The following TMEFF2 variants were observed in gnomAD, a reference collection of about 807,000 sequenced individuals.
The protein encoded by TMEFF2 is tomoregulin-2.
Under a neutral mutation model 53.8 loss-of-function variants are expected in TMEFF2, and 28 were observed. That is an observed-to-expected ratio of 0.52 (90% CI 0.39 to 0.71). The LOEUF is 0.71. TMEFF2 is among the 30% of genes least tolerant of loss of function. The pLI, the probability that TMEFF2 is intolerant of heterozygous loss-of-function variation, is 0.00. For synonymous variants in TMEFF2, 162 were observed against 166.3 expected (o/e 0.97, Z 0.20); for missense variants, 353 against 455.2 (o/e 0.78, Z 2.04).
At chr2:192,020,148 C>T (rs534747287) in intron 5 of TMEFF2, among the ~76,000 whole-genome samples, 1 of 152,188 alleles carries the variant, frequency 6.6e-6, no homozygotes, top group East Asian at 1.9e-4. Flanking sequence ...ACCCTCTTTT[C>T]CCTAGTATTG....
rs374355182 is a variant in TMEFF2 at position 192,058,073 on chromosome 2, A to G, written c.440-298T>C. ...ATTTGCCTAATAGACCATATGAAAG[A>G]GTTATTTAGTTAAAAGGGAGTTAAA... On this transcript the variant is annotated intron_variant, in intron 4 of 9. Coordinates refer to ENST00000272771, the MANE Select transcript of TMEFF2 (RefSeq NM_016192.4). Among the ~76,000 whole-genome samples the G allele has an allele frequency of 4.0e-4, 61 of 152,346 alleles. No homozygotes were observed. The East Asian group carries it at 9.8e-3, about 25-fold the overall frequency.
At chr2:191,959,619 T>A (rs1034304264) in intron 7 of TMEFF2, among the ~76,000 whole-genome samples, 1 of 11,536 alleles carries the variant, frequency 8.7e-5, no homozygotes, top group Non-Finnish European at 2.2e-4. Flanking sequence ...CAGTCCAGTA[T>A]GTACATGTGT....
intron 4 of TMEFF2, among the ~76,000 whole-genome samples, chr2:192,069,988 G>GTATATA (rs55800219): frequency 4.2e-5 from 5 of 118,862 alleles, no homozygotes; most frequent in African/African-American, 1.3e-4. Context: ...GTGTGTGTGT[G>GTATATA]TATATATATA....
chr2:192,066,700 A>C (rs1688176333), intron 4 of TMEFF2, among the ~76,000 whole-genome samples: 1 of 151,822 alleles, frequency 6.6e-6, no homozygotes, highest in African/African-American at 2.4e-5. Flanking sequence ...AGTTCATTTT[A>C]AAAAGGAGAA....
At chr2:192,111,930 G>A (rs557166710) in intron 4 of TMEFF2, among the ~76,000 whole-genome samples, 2 of 152,354 alleles carry the variant, frequency 1.3e-5, no homozygotes, top group Admixed American at 1.3e-4. Context: ...GAGCCTGTGG[G>A]TGCACAGAAG....
chr2:192,129,035 A>G (rs943614843), intron 4 of TMEFF2, among the ~76,000 whole-genome samples: 1 of 152,174 alleles, frequency 6.6e-6, no homozygotes, highest in South Asian at 2.1e-4. Context: ...GGTGCCCCAT[A>G]GGAGAGTGTT....
chr2:192,058,621 C>A (rs1687971093), intron 4 of TMEFF2, among the ~76,000 whole-genome samples: 1 of 152,056 alleles, frequency 6.6e-6, no homozygotes, highest in South Asian at 2.1e-4. Flanking sequence ...ATGAGCAACA[C>A]TTTCAAGGTG....
At chr2:192,122,288 T>C (rs17354327) in intron 4 of TMEFF2, among the ~76,000 whole-genome samples, 50,064 of 151,974 alleles carry the variant, frequency 0.33, 10,166 homozygotes, top group Non-Finnish European at 0.47. Context: ...TAAAAAAAGG[T>C]ACTTAGTAAC....
Position 191,980,435 on chromosome 2 carries a change from A to C in TMEFF2, c.745+17827T>G, listed in dbSNP as rs1685828118. Among the ~76,000 whole-genome samples the C allele has an allele frequency of 2.0e-5, 3 of 152,200 alleles. 1 individual carries two copies. Among genetic ancestry groups the C allele is most frequent in the Non-Finnish European group, 4.4e-5 (3 of 68,032 alleles). On this transcript the variant is annotated intron_variant, in intron 7 of 9. Coordinates refer to ENST00000272771, the MANE Select transcript of TMEFF2 (RefSeq NM_016192.4). ...AGTGTTGCAACAGGAACAACATTTT[A>C]AAATACAACTCTCACAGTGAAATCA...
chr2:192,134,185 T>G (rs573626551), intron 4 of TMEFF2, among the ~76,000 whole-genome samples: 71 of 152,354 alleles, frequency 4.7e-4, no homozygotes, highest in South Asian at 4.6e-3. Flanking sequence ...CGCATATACT[T>G]TCTGCTCCCT....
chr2:192,004,910 C>T (rs552214147), intron 5 of TMEFF2, among the ~76,000 whole-genome samples: 101 of 152,286 alleles, frequency 6.6e-4, no homozygotes, highest in African/African-American at 2.2e-3. Flanking sequence ...GAGGACTGCA[C>T]GAATGCCTTT....
At chr2:192,049,583 A>G (rs1033997578) in intron 5 of TMEFF2, among the ~76,000 whole-genome samples, 1 of 152,168 alleles carries the variant, frequency 6.6e-6, no homozygotes. Flanking sequence ...TATGCTAGAA[A>G]CTGAGACATG....
chr2:191,957,181 G>A (rs1692129936), intron 7 of TMEFF2, among the ~76,000 whole-genome samples: 1 of 152,062 alleles, frequency 6.6e-6, no homozygotes, highest in Admixed American at 6.6e-5. Context: ...GAAATTTTTT[G>A]ACCTTTGTTA....
intron 4 of TMEFF2, among the ~76,000 whole-genome samples, chr2:192,088,392 T>G (rs1361706749): frequency 6.6e-6 from 1 of 152,096 alleles, no homozygotes; most frequent in Non-Finnish European, 1.5e-5. Flanking sequence ...CGATGGATTT[T>G]TAGCTGATGG....
Position 191,968,482 on chromosome 2 carries a change from G to A in TMEFF2, c.746-12104C>T, listed in dbSNP as rs556450709. 7.6e-4 allele frequency among the ~76,000 whole-genome samples: 115 copies of A among 152,280 alleles called. 2 individuals are homozygous for A. In the South Asian group the frequency reaches 0.023, roughly 30 times the overall value. ...ATATCTCTTTGGTTTCATGGGGCAG[G>A]ACAAATGGCCACCTGTGCTTCTAAA... On this transcript the variant is annotated intron_variant, in intron 7 of 9. Coordinates refer to ENST00000272771, the MANE Select transcript of TMEFF2 (RefSeq NM_016192.4).
intron 4 of TMEFF2, among the ~76,000 whole-genome samples, chr2:192,152,918 A>G (rs1366129783): frequency 6.6e-6 from 1 of 151,862 alleles, no homozygotes; most frequent in African/African-American, 2.4e-5. Context: ...ATCAGCATGT[A>G]CCATAAGGAT....
At chr2:192,193,437 C>A (rs1691510007) in intron 1 of TMEFF2, among the ~76,000 whole-genome samples, 1 of 152,146 alleles carries the variant, frequency 6.6e-6, no homozygotes, top group Non-Finnish European at 1.5e-5. Flanking sequence ...CAGAGCGAAG[C>A]CTGCCAAGCG....
intron 7 of TMEFF2, among the ~76,000 whole-genome samples, chr2:191,960,414 T>C (rs1692238591): frequency 6.6e-6 from 1 of 152,224 alleles, no homozygotes; most frequent in Admixed American, 6.5e-5. Flanking sequence ...ACAGTTAACA[T>C]ATTTCATTTC....
chr2:192,074,127 C>T (rs1429772677), intron 4 of TMEFF2, among the ~76,000 whole-genome samples: 1 of 151,876 alleles, frequency 6.6e-6, no homozygotes, highest in Non-Finnish European at 1.5e-5. Context: ...ATTTTCTGAC[C>T]TCAAATCTTT....
Sources: gnomAD v4.1 joint callset for allele counts (sites outside exome capture counted in the v4.1 genomes callset) on GRCh38, gnomAD v4.1.1 for gene constraint, MANE v1.5 for transcripts, NCBI Gene and HGNC (gene_info 2026-07-23, HGNC 2026-07-21) for gene names.